Variants in ATP13A3 observed in about 807,000 individuals in gnomAD.
ATP13A3 encodes the protein ATPase 13A3.
ATP13A3 carries 59 observed loss-of-function variants against 158.1 expected under a neutral mutation model. The ratio of observed to expected loss-of-function variants is 0.37; its 90% CI spans 0.30 to 0.46. The LOEUF (loss-of-function observed/expected upper bound fraction) is 0.46, where lower values mean the gene tolerates loss of function less well. ATP13A3 is among the 20% of genes least tolerant of loss of function. The pLI is 1.00. For missense variants in ATP13A3, 1,166 were observed against 1,525.2 expected (o/e 0.76, Z 3.92); for synonymous variants, 491 against 504.3 (o/e 0.97, Z 0.35).
Position 194,419,772 on chromosome 3 carries a change from T to C in ATP13A3, c.3402+107A>G. 8.2e-6 allele frequency: 12 copies of C among 1,465,318 alleles called. No homozygotes were observed. In the South Asian group the frequency reaches 1.5e-4, roughly 18 times the overall value. 90.8% of individuals were successfully genotyped at this position (1,465,318 alleles called of 1,614,324 possible). On this transcript the variant is annotated intron_variant, in intron 31 of 33. Coordinates refer to ENST00000645319, the MANE Select transcript of ATP13A3 (RefSeq NM_001367549.1). ...TTATTCTCTGTAGAGTATCTTTGGG[T>C]TAATATAACAGCATCTTAGAATACA... is the stretch of plus-strand genomic sequence containing the variant.
In ATP13A3 at chr3:194,444,781, T is replaced by C. The variant is rs201285517; in HGVS notation, c.1503A>G (p.Gly501=). ...GATCTAAACCATCTTCAGTTAGAGT[T>C]CCAGTCTAAAAAACAAAAAAGCACA... ...QLNLVCFDKT[G]TLTEDGLDLW... Residue 501 remains glycine, a synonymous_variant, in exon 15 of 34, where the codon GGA becomes GGG. Coordinates refer to ENST00000645319, the MANE Select transcript of ATP13A3 (RefSeq NM_001367549.1). 7 of 1,596,202 alleles carry C rather than the reference T, an allele frequency of 4.4e-6. No individual in the cohort carries two copies. In the South Asian group the frequency reaches 8.1e-5, roughly 18 times the overall value.
chr3:194,441,235 A>T, intron 16 of ATP13A3, 76 bp downstream of exon 16: 1 of 1,226,930 alleles, frequency 8.2e-7, no homozygotes, highest in Non-Finnish European at 1.1e-6. Flanking sequence ...AAGCAGAAAT[A>T]ATCCTTGTAT....
intron 27 of ATP13A3, 144 bp downstream of exon 27, chr3:194,429,533 AC>A (rs1717063846): frequency 1.3e-5 from 6 of 478,032 alleles, no homozygotes; most frequent in Non-Finnish European, 2.2e-5. Flanking sequence ...TGCTATTCAA[AC>A]TACAGTAAAT....
intron 31 of ATP13A3, among the ~76,000 whole-genome samples, chr3:194,417,507 AG>A (rs1255260810): frequency 3.3e-5 from 5 of 152,040 alleles, no homozygotes; most frequent in South Asian, 4.2e-4. Context: ...ACAATGTGAG[AG>A]GGGGGTAGGA....
At chr3:194,474,436 G>A (rs754606462) in intron 2 of ATP13A3, among the ~76,000 whole-genome samples, 15 of 152,156 alleles carry the variant, frequency 9.9e-5, no homozygotes, top group Non-Finnish European at 1.9e-4. Flanking sequence ...ATAGGAGTAT[G>A]TTAAAATAAG....
At chr3:194,413,379 C>T (rs58595523) in intron 32 of ATP13A3, among the ~76,000 whole-genome samples, 48,825 of 152,026 alleles carry the variant, frequency 0.32, 9,661 homozygotes, top group African/African-American at 0.56. Context: ...CCCCCTTCCC[C>T]CCTCCCTTAA....
rs2108685891 is a variant in ATP13A3 at position 194,405,718 on chromosome 3, T to A, written c.*201A>T. 3.5e-6 allele frequency: 2 copies of A among 573,378 alleles called. No individual in the cohort carries two copies. Among genetic ancestry groups the A allele is most frequent in the South Asian group, 4.5e-5 (2 of 44,254 alleles). The allele number at this position is 573,378 out of a possible 1,614,324, so 35.5% of individuals were successfully genotyped here. The stretch of plus-strand genomic sequence containing the variant: ...TGCTGAATGAAGATATAGGACTTTA[T>A]GGATTGATTGTTAATTTAACTGTTA... On this transcript the variant is annotated 3_prime_UTR_variant, in exon 34 of 34. Coordinates refer to ENST00000645319, the MANE Select transcript of ATP13A3 (RefSeq NM_001367549.1).
intron 28 of ATP13A3, among the ~76,000 whole-genome samples, chr3:194,427,893 T>C (rs1488800977): frequency 6.6e-6 from 1 of 152,076 alleles, no homozygotes; most frequent in Non-Finnish European, 1.5e-5. Context: ...TCATTACTTA[T>C]TAAGGTGGTA....
chr3:194,412,145 A>C, intron 33 of ATP13A3, 54 bp downstream of exon 33: 1 of 1,362,840 alleles, frequency 7.3e-7, no homozygotes, highest in Non-Finnish European at 1.0e-6. Flanking sequence ...CAGAGTACAC[A>C]AGCAGAGAGC....
upstream of ATP13A3, among the ~76,000 whole-genome samples, chr3:194,488,929 C>T (rs1160696862): frequency 6.6e-6 from 1 of 152,230 alleles, no homozygotes; most frequent in Non-Finnish European, 1.5e-5. The surrounding 1 kb of genome is among the most constrained non-coding windows in gnomAD (Gnocchi z 4.1). Flanking sequence ...CAATTGCCTG[C>T]CAGGCAGCTC....
upstream of ATP13A3, chr3:194,487,060 C>G (rs1361436922): frequency 6.7e-6 from 1 of 149,314 alleles, no homozygotes; most frequent in African/African-American, 2.4e-5. Flanking sequence ...GGCGGAGGGG[C>G]GCGGGCGACG....
At chr3:194,465,897 G>A (rs997080963) in intron 2 of ATP13A3, among the ~76,000 whole-genome samples, 3 of 151,622 alleles carry the variant, frequency 2.0e-5, no homozygotes, top group Non-Finnish European at 2.9e-5. Context: ...CAGGAGAATC[G>A]CTTGAATCCC....
At chr3:194,484,769 T>A (rs1342227628) in intron 2 of ATP13A3, among the ~76,000 whole-genome samples, 1 of 152,152 alleles carries the variant, frequency 6.6e-6, no homozygotes, top group African/African-American at 2.4e-5. Flanking sequence ...TATGTAAGTA[T>A]CAACCGCCAA....
In ATP13A3 at chr3:194,460,787, A is replaced by C; in HGVS notation, c.96T>G (p.Val32=). The change falls in exon 4 of 34, where the codon GTT becomes GTG. Residue 32 remains valine (V), a synonymous_variant. Transcript: ENST00000645319. ...YNLSRWKLAI[V]SLGVICSGGF... ...CACCAGAGCAAATCACTCCTAAAGAAACTATGGCAAGCTTCCAGCGACTCA... is the reference window on the plus strand; with the variant it reads ...CACCAGAGCAAATCACTCCTAAAGACACTATGGCAAGCTTCCAGCGACTCA... 1 of 1,614,086 alleles carries C rather than the reference A, an allele frequency of 6.2e-7. No homozygotes were observed. The highest frequency in any genetic ancestry group is 8.5e-7 in the Non-Finnish European group (1 of 1,179,974).
Position 194,404,279 on chromosome 3 carries a change from T to C in ATP13A3, c.*1640A>G, listed in dbSNP as rs904885344. On this transcript the variant is annotated 3_prime_UTR_variant, in exon 34 of 34. Transcript: ENST00000645319. ...TTGATGGAAAACTTCGATTATATTT[T>C]TGCAGGAATCATCAGTGGCAATAGC... 7 of 339,532 alleles carry C rather than the reference T, an allele frequency of 2.1e-5. No individual in the cohort carries two copies. The highest frequency in any genetic ancestry group is 8.7e-5 in the South Asian group (4 of 45,890). The allele number at this position is 339,532 out of a possible 1,614,324, so 21.0% of individuals were successfully genotyped here. A position where few individuals can be genotyped will look rare whatever the true frequency, so the allele number is the denominator to read the frequency against.
intron 31 of ATP13A3, among the ~76,000 whole-genome samples, chr3:194,414,228 A>G (rs1458672159): frequency 6.6e-6 from 1 of 152,112 alleles, no homozygotes; most frequent in Admixed American, 6.6e-5. Flanking sequence ...CTTGGGAGGC[A>G]GAGGTGGGCA....
chr3:194,419,140 T>A (rs1716107534), intron 31 of ATP13A3, among the ~76,000 whole-genome samples: 1 of 152,178 alleles, frequency 6.6e-6, no homozygotes, highest in Non-Finnish European at 1.5e-5. Context: ...TAAAATAATG[T>A]ATCAACAAAC....
intron 30 of ATP13A3, among the ~76,000 whole-genome samples, chr3:194,421,120 A>ATATATATATATATAT (rs1716271320): frequency 2.7e-5 from 1 of 37,556 alleles, no homozygotes; most frequent in Non-Finnish European, 4.6e-5. Context: ...GGGTGTATAT[A>ATATATATATATATAT]TATATATATA....
chr3:194,471,581 T>C (rs113498337), intron 2 of ATP13A3, among the ~76,000 whole-genome samples: 7,834 of 152,166 alleles, frequency 0.051, 535 homozygotes, highest in African/African-American at 0.16. Flanking sequence ...CTCAAACTCC[T>C]GGACTCAAGC....
Sources: allele counts gnomAD v4.1 joint callset (sites outside exome capture counted in the v4.1 genomes callset), GRCh38; gene constraint gnomAD v4.1.1; non-coding constraint Gnocchi (gnomAD v3.1); transcripts MANE v1.5; gene names NCBI Gene and HGNC (gene_info 2026-07-23, HGNC 2026-07-21).